DISC1: variants seen among roughly 807,000 people sequenced by gnomAD.
DISC1 encodes the protein disrupted in schizophrenia 1 protein.
DISC1 carries 57 observed loss-of-function variants against 84.5 expected under a neutral mutation model. The ratio of observed to expected loss-of-function variants is 0.67; its 90% CI spans 0.55 to 0.84. The LOEUF (loss-of-function observed/expected upper bound fraction) is 0.84, where lower values mean the gene tolerates loss of function less well. DISC1 is among the 40% of genes least tolerant of loss of function. The pLI is 0.00. For missense variants in DISC1, 1,000 were observed against 1,057.8 expected (o/e 0.95, Z 0.76); for synonymous variants, 411 against 415.2 (o/e 0.99, Z 0.12).
chr1:231,828,302 C>T (rs566124260), intron 9 of DISC1, among the ~76,000 whole-genome samples: 86 of 152,260 alleles, frequency 5.6e-4, no homozygotes, highest in Non-Finnish European at 9.1e-4. Context: ...TACTTTGCTT[C>T]GTATGTACCA....
intron 10 of DISC1, among the ~76,000 whole-genome samples, chr1:231,970,950 G>C (rs1661867374): frequency 6.6e-6 from 1 of 152,262 alleles, no homozygotes; most frequent in Non-Finnish European, 1.5e-5. Context: ...GGAAGAGACT[G>C]AGCTAAGGAA....
intron 3 of DISC1, among the ~76,000 whole-genome samples, chr1:231,727,554 T>C (rs1282586355): frequency 6.6e-6 from 1 of 152,184 alleles, no homozygotes; most frequent in Non-Finnish European, 1.5e-5. Context: ...ACTCACTGAA[T>C]ATAGGCTGAG....
chr1:232,014,732 T>A (rs1301360520), intron 11 of DISC1, among the ~76,000 whole-genome samples: 1 of 152,194 alleles, frequency 6.6e-6, no homozygotes, highest in Non-Finnish European at 1.5e-5. Context: ...TCACCTATCA[T>A]GCATCATTAA....
intron 9 of DISC1, among the ~76,000 whole-genome samples, chr1:231,909,382 G>A (rs560838169): frequency 1.3e-4 from 20 of 152,258 alleles, no homozygotes; most frequent in Non-Finnish European, 2.4e-4. Context: ...TAGCATGAAG[G>A]GCTGTTGAAT....
chr1:231,935,550 A>C (rs1449156378), intron 9 of DISC1, among the ~76,000 whole-genome samples: 2 of 152,206 alleles, frequency 1.3e-5, no homozygotes, highest in African/African-American at 4.8e-5. Context: ...AGCCATGCAA[A>C]CATTTTTAAA....
At chr1:231,866,878 C>T (rs902945768) in intron 9 of DISC1, among the ~76,000 whole-genome samples, 1 of 152,166 alleles carries the variant, frequency 6.6e-6, no homozygotes, top group Non-Finnish European at 1.5e-5. Flanking sequence ...CAAAGCTTAC[C>T]GTCTGCTCAT....
At chr1:231,837,065 C>T (rs17768115) in intron 9 of DISC1, among the ~76,000 whole-genome samples, 2 of 151,538 alleles carry the variant, frequency 1.3e-5, no homozygotes, top group African/African-American at 2.4e-5. Context: ...AATAAATGCT[C>T]TCTTTAGTAT....
At chr1:231,752,476 G>A (rs2074711121) in intron 4 of DISC1, among the ~76,000 whole-genome samples, 1 of 152,152 alleles carries the variant, frequency 6.6e-6, no homozygotes, top group Non-Finnish European at 1.5e-5. Flanking sequence ...AGAGGATGGT[G>A]CTAAACCATT....
At chr1:231,934,798 AG>A (rs2090879676) in intron 9 of DISC1, among the ~76,000 whole-genome samples, 1 of 152,158 alleles carries the variant, frequency 6.6e-6, no homozygotes, top group African/African-American at 2.4e-5. Flanking sequence ...GATAACCCAA[AG>A]GTTACTGGTG....
At chr1:231,723,863 C>T in intron 3 of DISC1, 1 of 985,398 alleles carries the variant, frequency 1.0e-6, no homozygotes, top group Non-Finnish European at 1.2e-6. Context: ...ACCCAAACAA[C>T]CAGGAGCATT....
chr1:231,643,640 C>T (rs2059905277), intron 1 of DISC1, among the ~76,000 whole-genome samples: 1 of 152,232 alleles, frequency 6.6e-6, no homozygotes, highest in African/African-American at 2.4e-5. Context: ...ACATCTCTGC[C>T]AGCTCTTGTG....
At chr1:232,007,783 G>C (rs895779174) in intron 10 of DISC1, among the ~76,000 whole-genome samples, 8 of 152,158 alleles carry the variant, frequency 5.3e-5, no homozygotes, top group Admixed American at 4.6e-4. Context: ...GGGGTGAAAT[G>C]ATATGGTTAG....
intron 9 of DISC1, among the ~76,000 whole-genome samples, chr1:231,874,678 G>A (rs554857452): frequency 3.0e-4 from 45 of 151,826 alleles, no homozygotes; most frequent in South Asian, 1.9e-3. Flanking sequence ...TTGGGAGGCC[G>A]AGGTGGGCGG....
At chr1:231,690,252 G>A (rs1157828039) in intron 1 of DISC1, among the ~76,000 whole-genome samples, 1 of 152,188 alleles carries the variant, frequency 6.6e-6, no homozygotes, top group Non-Finnish European at 1.5e-5. Context: ...GAGGAAGTAA[G>A]GCATCAGCGC....
intron 3 of DISC1, among the ~76,000 whole-genome samples, chr1:231,727,198 T>C (rs1278895302): frequency 6.6e-6 from 1 of 152,192 alleles, no homozygotes; most frequent in Non-Finnish European, 1.5e-5. Flanking sequence ...GCTTTTTCTC[T>C]ATTTTTCATG....
At chr1:231,950,204 CTGTGTG>C (rs59801477) in intron 9 of DISC1, among the ~76,000 whole-genome samples, 5,691 of 139,468 alleles carry the variant, frequency 0.041, 246 homozygotes, top group East Asian at 0.26. Context: ...AAAAAAAATT[CTGTGTG>C]TGTGTGTGTG....
At chr1:231,834,128 C>T (rs1378649684) in intron 9 of DISC1, among the ~76,000 whole-genome samples, 1 of 152,036 alleles carries the variant, frequency 6.6e-6, no homozygotes, top group Non-Finnish European at 1.5e-5. Flanking sequence ...TTAGCTCCAG[C>T]CACCTTTTTA....
intron 11 of DISC1, among the ~76,000 whole-genome samples, chr1:232,020,202 C>T (rs929892203): frequency 6.6e-6 from 1 of 151,956 alleles, no homozygotes; most frequent in East Asian, 1.9e-4. Context: ...ATTAGCCTGG[C>T]ATGGTGGTGC....
chr1:231,642,031 C>G (rs1206839977), intron 1 of DISC1, among the ~76,000 whole-genome samples: 1 of 152,184 alleles, frequency 6.6e-6, no homozygotes, highest in Admixed American at 6.5e-5. Context: ...TCGGGCTGCA[C>G]AGGAGCCCAC....
Sources: allele counts gnomAD v4.1 joint callset (sites outside exome capture counted in the v4.1 genomes callset), GRCh38; gene constraint gnomAD v4.1.1; transcripts MANE v1.5; gene names NCBI Gene and HGNC (gene_info 2026-07-23, HGNC 2026-07-21).